RUBCN: variants seen among roughly 807,000 people sequenced by gnomAD.
The protein encoded by RUBCN is run domain Beclin-1-interacting and cysteine-rich domain-containing protein.
RUBCN carries 74 observed loss-of-function variants against 113.2 expected under a neutral mutation model. The observed-to-expected ratio is 0.65, with a 90% CI of 0.54 to 0.79. The LOEUF is 0.79. Among genes scored for constraint, RUBCN ranks in the 30% least tolerant of loss-of-function variants. The pLI, the probability that RUBCN is intolerant of heterozygous loss-of-function variation, is 0.00. For synonymous variants in RUBCN, 480 were observed against 490.0 expected (o/e 0.98, Z 0.27); for missense variants, 1,109 against 1,251.7 (o/e 0.89, Z 1.72).
chr3:197,709,665 C>G (rs1384622847), intron 2 of RUBCN, among the ~76,000 whole-genome samples: 2 of 152,094 alleles, frequency 1.3e-5, no homozygotes, highest in Non-Finnish European at 1.5e-5. Context: ...CAGGGGTGAG[C>G]CACCGCGCCC....
chr3:197,720,920 C>T (rs1035240111), intron 1 of RUBCN, among the ~76,000 whole-genome samples: 4 of 152,140 alleles, frequency 2.6e-5, no homozygotes, highest in Non-Finnish European at 5.9e-5. Flanking sequence ...CTTACATTCC[C>T]ACCAGCAGCG....
chr3:197,725,475 G>A (rs1032412679), intron 1 of RUBCN, among the ~76,000 whole-genome samples: 5 of 147,110 alleles, frequency 3.4e-5, no homozygotes, highest in African/African-American at 1.2e-4. Context: ...CTGGGAGAAT[G>A]TAACCATCGG....
In RUBCN at chr3:197,694,193, G is replaced by A. The variant is rs753288547; in HGVS notation, c.1684+182C>T. 6 of 726,354 alleles carry A rather than the reference G, an allele frequency of 8.3e-6. No individual in the cohort carries two copies. In the South Asian group the frequency reaches 8.6e-5, roughly 10 times the overall value. The allele number at this position is 726,354 out of a possible 1,614,324, so 45.0% of individuals were successfully genotyped here. A position where few individuals can be genotyped will look rare whatever the true frequency, so the allele number is the denominator to read the frequency against. ...GGCGTGAGCCACTCTGCCTGGCCTGGAAGGCAGGTATTTCTGATGCAGGAA... is the reference window on the plus strand; with the variant it reads ...GGCGTGAGCCACTCTGCCTGGCCTGAAAGGCAGGTATTTCTGATGCAGGAA... On this transcript the variant is annotated intron_variant, in intron 10 of 19. Transcript: ENST00000296343.
At chr3:197,677,328 T>C (rs996045792) in intron 17 of RUBCN, 152 bp downstream of exon 17, 12 of 738,982 alleles carry the variant, frequency 1.6e-5, no homozygotes, top group East Asian at 5.2e-5. Context: ...AGGACACAGA[T>C]ACAGTTACTG....
In RUBCN at chr3:197,683,547, C is replaced by T. The variant is rs1217320839; in HGVS notation, c.1848-108G>A. The T allele has an allele frequency of 6.8e-6, 8 of 1,181,368 alleles. No individual in the cohort carries two copies. In the African/African-American group the frequency reaches 1.1e-4, roughly 16 times the overall value. 73.2% of individuals were successfully genotyped at this position (1,181,368 alleles called of 1,614,324 possible). A position where few individuals can be genotyped will look rare whatever the true frequency, so the allele number is the denominator to read the frequency against. On this transcript the variant is annotated intron_variant, in intron 12 of 19. Coordinates refer to ENST00000296343, the MANE Select transcript of RUBCN (RefSeq NM_014687.4). This position sits in a 1 kb window ranked among gnomAD's most constrained non-coding sequence, Gnocchi z 4.6. ...CGCAGCAACTTCTGGGCTGGAAGAACACCCGCAGCACCCTGGCCTGCTCAT... is the reference window on the plus strand; with the variant it reads ...CGCAGCAACTTCTGGGCTGGAAGAATACCCGCAGCACCCTGGCCTGCTCAT...
At chr3:197,687,493 C>G (rs1721977964) in intron 11 of RUBCN, among the ~76,000 whole-genome samples, 1 of 152,218 alleles carries the variant, frequency 6.6e-6, no homozygotes, top group Admixed American at 6.5e-5. Flanking sequence ...CCTTTGCCAG[C>G]TGGCATGATG....
Position 197,695,965 on chromosome 3 carries a change from C to T in RUBCN, c.1374G>A (p.Leu458=), listed in dbSNP as rs1298385667. Residue 458 remains leucine (L), a synonymous_variant, in exon 9 of 20, where the codon CTG becomes CTA. Transcript: ENST00000296343. ...LYMEYEGGRY[L]CSGEGMFRRP... is the part of the protein sequence containing the mutation. ...TTCGGAACATGCCTTCCCCTGAGCA[C>T]AGGTACCGACCACCTTCTGTGGGAA... 6.2e-7 allele frequency: 1 copy of T among 1,614,166 alleles called. No homozygotes were observed. Among genetic ancestry groups the T allele is most frequent in the Non-Finnish European group, 8.5e-7 (1 of 1,180,026 alleles).
intron 5 of RUBCN, among the ~76,000 whole-genome samples, chr3:197,703,136 G>A (rs896303046): frequency 1.3e-5 from 2 of 151,694 alleles, no homozygotes; most frequent in African/African-American, 4.8e-5. Flanking sequence ...CGGTGGCTCA[G>A]GCCTCTAATC....
chr3:197,723,719 T>C (rs1164213885), intron 1 of RUBCN, among the ~76,000 whole-genome samples: 4 of 152,196 alleles, frequency 2.6e-5, no homozygotes, highest in Non-Finnish European at 5.9e-5. Context: ...TAAATTCAAC[T>C]GAAGCTCATA....
chr3:197,749,569 C>T, exon 1 of RUBCN: 1 of 1,290,968 alleles, frequency 7.7e-7, no homozygotes, highest in South Asian at 1.2e-5. Flanking sequence ...CTCGTGTGTA[C>T]CGAAGTATAG....
At chr3:197,722,594 T>C (rs1313179663) in intron 1 of RUBCN, among the ~76,000 whole-genome samples, 1 of 150,708 alleles carries the variant, frequency 6.6e-6, no homozygotes, top group Non-Finnish European at 1.5e-5. Flanking sequence ...GGTGCTCCCA[T>C]GTTGGATGCA....
Position 197,736,731 on chromosome 3 carries a change from AG to A in RUBCN, c.-13del. ...CCCTCCGGCCGCATCCGGGGCGGTG[AG>A]GCCGCCTCTTCGCCCAAGAGAGGCG... On this transcript the variant is annotated 5_prime_UTR_variant, in exon 1 of 20. Transcript: ENST00000296343. 8 of 1,528,518 alleles carry A rather than the reference AG, an allele frequency of 5.2e-6. No homozygotes were observed. Among genetic ancestry groups the A allele is most frequent in the Non-Finnish European group, 7.0e-6 (8 of 1,144,560 alleles). The allele number at this position is 1,528,518 out of a possible 1,614,324, so 94.7% of individuals were successfully genotyped here.
At chr3:197,702,778 G>C (rs1723830365) in intron 5 of RUBCN, among the ~76,000 whole-genome samples, 1 of 152,172 alleles carries the variant, frequency 6.6e-6, no homozygotes, top group Non-Finnish European at 1.5e-5. Flanking sequence ...ACTGACTGGA[G>C]TATTAGTGAT....
intron 18 of RUBCN, 38 bp downstream of exon 18, chr3:197,676,847 C>CA (rs755333375): frequency 3.7e-5 from 59 of 1,613,776 alleles, no homozygotes; most frequent in Admixed American, 2.5e-4. Flanking sequence ...TCCCTAAAAG[C>CA]AAGGGCTCAG....
chr3:197,690,700 C>G (rs1259838398), intron 11 of RUBCN, among the ~76,000 whole-genome samples: 1 of 152,194 alleles, frequency 6.6e-6, no homozygotes, highest in Non-Finnish European at 1.5e-5. Context: ...CCTACTTTTG[C>G]TGTCTGAATG....
chr3:197,676,109 TA>T, intron 18 of RUBCN: 1 of 782,288 alleles, frequency 1.3e-6, no homozygotes, highest in African/African-American at 1.9e-5. Context: ...GAGGAATACA[TA>T]AAGTATACAA....
chr3:197,727,424 A>C lies in RUBCN; in HGVS notation c.65+9231T>G, dbSNP rs533152581. On this transcript the variant is annotated intron_variant, in intron 1 of 19. Transcript: ENST00000296343. ...TTCCCCCTGTGAACTTCCATTGCAT[A>C]AATCTAATAAATCCAACAAAATCAG... 1.4e-3 allele frequency among the ~76,000 whole-genome samples: 215 copies of C among 152,334 alleles called. 1 individual carries two copies. Among genetic ancestry groups the C allele is most frequent in the African/African-American group, 5.0e-3 (206 of 41,578 alleles).
chr3:197,723,121 A>G (rs908380942), intron 1 of RUBCN, among the ~76,000 whole-genome samples: 7 of 152,214 alleles, frequency 4.6e-5, no homozygotes, highest in Non-Finnish European at 7.4e-5. Flanking sequence ...TTTGCTTTGT[A>G]GTCAGCATGA....
chr3:197,736,849 C>CGGGCGGCGACAGCGGGAG lies in RUBCN; in HGVS notation c.-148_-131dup. 1 of 1,386,066 alleles carries CGGGCGGCGACAGCGGGAG rather than the reference C, an allele frequency of 7.2e-7. No homozygotes were observed. The allele number at this position is 1,386,066 out of a possible 1,614,324, so 85.9% of individuals were successfully genotyped here. ...TGGGCTCCGGGTGATGCGCTACACC[C>CGGGCGGCGACAGCGGGAG]GGGCGGCGACAGCGGGAGGGACCGC... On this transcript the variant is annotated 5_prime_UTR_variant, in exon 1 of 20. Coordinates refer to ENST00000296343, the MANE Select transcript of RUBCN (RefSeq NM_014687.4).
Sources: allele counts gnomAD v4.1 joint callset (sites outside exome capture counted in the v4.1 genomes callset), GRCh38; gene constraint gnomAD v4.1.1; non-coding constraint Gnocchi (gnomAD v3.1); transcripts MANE v1.5; gene names NCBI Gene and HGNC (gene_info 2026-07-23, HGNC 2026-07-21).